PRELID2: variants seen among roughly 807,000 people sequenced by gnomAD.
PRELID2 encodes the protein PRELI domain containing 2.
PRELID2 carries 25 observed loss-of-function variants against 28.4 expected under a neutral mutation model. The observed-to-expected ratio is 0.88, with a 90% CI of 0.64 to 1.23. The LOEUF (loss-of-function observed/expected upper bound fraction) is 1.23. Ranked by LOEUF, PRELID2 falls within the 50% of genes most tolerant of loss-of-function variation. PRELID2 has a pLI of 0.00. For synonymous variants in PRELID2, 76 were observed against 71.6 expected (o/e 1.06, Z -0.31); for missense variants, 201 against 214.4 (o/e 0.94, Z 0.39).
intron 1 of PRELID2, among the ~76,000 whole-genome samples, chr5:145,701,868 G>A (rs1581073594): frequency 1.3e-5 from 2 of 151,984 alleles, no homozygotes; most frequent in African/African-American, 2.4e-5. Context: ...CCTGACCAAT[G>A]TGGTGAAACC....
intron 1 of PRELID2, among the ~76,000 whole-genome samples, chr5:145,612,043 C>T (rs76409969): frequency 0.068 from 10,267 of 152,072 alleles, 543 homozygotes; most frequent in Admixed American, 0.18. Flanking sequence ...GTGTGAAAAC[C>T]AGGTGTTTTA....
chr5:145,338,618 T>C, the PRELID2 span, among the ~76,000 whole-genome samples: 1 of 152,238 alleles, frequency 6.6e-6, no homozygotes, highest in African/African-American at 2.4e-5. Flanking sequence ...GGTAGATATA[T>C]ATTTTTAAAG....
chr5:145,620,713 C>A (rs1248043979), intron 1 of PRELID2, among the ~76,000 whole-genome samples: 1 of 151,466 alleles, frequency 6.6e-6, no homozygotes, highest in South Asian at 2.1e-4. Context: ...TTAGTGCACA[C>A]CTGTAGTCCC....
chr5:145,372,130 T>A, the PRELID2 span, among the ~76,000 whole-genome samples: 1 of 152,084 alleles, frequency 6.6e-6, no homozygotes, highest in Non-Finnish European at 1.5e-5. Context: ...GTCCCAGAGA[T>A]TCTGGAATGT....
intron 1 of PRELID2, among the ~76,000 whole-genome samples, chr5:145,511,742 A>G (rs192087705): frequency 6.6e-6 from 1 of 152,364 alleles, no homozygotes; most frequent in Non-Finnish European, 1.5e-5. Context: ...CTATTAGGAA[A>G]ACAATATCTT....
chr5:145,805,291 A>C (rs1753419868), intron 4 of PRELID2, among the ~76,000 whole-genome samples: 1 of 152,186 alleles, frequency 6.6e-6, no homozygotes, highest in African/African-American at 2.4e-5. Flanking sequence ...GTTTCCACTG[A>C]AAAGTGTTTA....
intron 1 of PRELID2, among the ~76,000 whole-genome samples, chr5:145,736,273 G>C (rs918748450): frequency 2.1e-4 from 32 of 152,226 alleles, no homozygotes; most frequent in African/African-American, 7.7e-4. Flanking sequence ...TTTGGTCTTT[G>C]TGCTCTTTAA....
At chr5:145,517,070 G>A (rs1752523654) in intron 1 of PRELID2, among the ~76,000 whole-genome samples, 1 of 152,088 alleles carries the variant, frequency 6.6e-6, no homozygotes, top group Admixed American at 6.6e-5. Context: ...TCAGGACACA[G>A]GCATGAGCAA....
chr5:145,629,094 GC>G (rs1422266676), intron 1 of PRELID2, among the ~76,000 whole-genome samples: 6 of 152,148 alleles, frequency 3.9e-5, no homozygotes, highest in African/African-American at 1.2e-4. Context: ...AGTCAGCCCA[GC>G]TTTGATAGCC....
chr5:145,447,305 A>C, the PRELID2 span, among the ~76,000 whole-genome samples: 1 of 151,876 alleles, frequency 6.6e-6, no homozygotes, highest in East Asian at 1.9e-4. Context: ...CACCTGGCTT[A>C]ACCCAGGATA....
intron 1 of PRELID2, among the ~76,000 whole-genome samples, chr5:145,747,633 T>G (rs1265509951): frequency 4.2e-5 from 1 of 23,568 alleles, no homozygotes; most frequent in Non-Finnish European, 1.1e-4. Context: ...CTGAAAATAT[T>G]CCAAACAATA....
chr5:145,621,496 C>A (rs532110652), intron 1 of PRELID2, among the ~76,000 whole-genome samples: 3 of 152,078 alleles, frequency 2.0e-5, no homozygotes. Flanking sequence ...TAGACACAAC[C>A]CCAAATCCCA....
At chr5:145,742,525 G>A (rs1756862348) in intron 1 of PRELID2, among the ~76,000 whole-genome samples, 3 of 52,404 alleles carry the variant, frequency 5.7e-5, no homozygotes, top group Non-Finnish European at 7.6e-5. Flanking sequence ...AAGTCTCAAG[G>A]GATACCAAAA....
At chr5:145,778,446 C>T (rs918752808) in intron 5 of PRELID2, among the ~76,000 whole-genome samples, 2 of 152,236 alleles carry the variant, frequency 1.3e-5, no homozygotes, top group African/African-American at 2.4e-5. Flanking sequence ...TGTTCTATCA[C>T]TCAGTAAAGC....
At chr5:145,275,952 A>C in the PRELID2 span, among the ~76,000 whole-genome samples, 1 of 152,156 alleles carries the variant, frequency 6.6e-6, no homozygotes, top group South Asian at 2.1e-4. Flanking sequence ...TACATAAAGT[A>C]CACACGTAGA....
chr5:145,647,119 G>T (rs1754209917), intron 1 of PRELID2, among the ~76,000 whole-genome samples: 1 of 152,194 alleles, frequency 6.6e-6, no homozygotes, highest in South Asian at 2.1e-4. Flanking sequence ...TGCATCCACA[G>T]CCACCCCTTT....
intron 4 of PRELID2, among the ~76,000 whole-genome samples, chr5:145,804,597 T>C (rs760082723): frequency 2.0e-5 from 3 of 152,208 alleles, no homozygotes; most frequent in African/African-American, 4.8e-5. Flanking sequence ...GTTTTTTATA[T>C]ACATGCCTTT....
At chr5:145,449,520 G>A in the PRELID2 span, among the ~76,000 whole-genome samples, 5 of 152,064 alleles carry the variant, frequency 3.3e-5, no homozygotes, top group Admixed American at 3.3e-4. Flanking sequence ...CCTGGAGCTT[G>A]GGGTTTATAT....
intron 4 of PRELID2, among the ~76,000 whole-genome samples, chr5:145,815,116 T>A (rs1238437692): frequency 6.6e-6 from 1 of 152,128 alleles, no homozygotes; most frequent in Non-Finnish European, 1.5e-5. Flanking sequence ...AGACTGCATT[T>A]TGGGATTGGT....
Sources: allele counts gnomAD v4.1 joint callset (sites outside exome capture counted in the v4.1 genomes callset), GRCh38; gene constraint gnomAD v4.1.1; transcripts MANE v1.5; gene names NCBI Gene and HGNC (gene_info 2026-07-23, HGNC 2026-07-21).